Variants in SREBF1 observed in about 807,000 individuals in gnomAD.
The protein encoded by SREBF1 is sterol regulatory element binding transcription factor 1.
A neutral mutation model predicts 100.1 loss-of-function variants in SREBF1; 45 were observed. The observed-to-expected ratio is 0.45, with a 90% confidence interval of 0.35 to 0.58. The LOEUF (loss-of-function observed/expected upper bound fraction) is 0.58. Among genes scored for constraint, SREBF1 ranks in the 20% least tolerant of loss-of-function variants. The pLI is 0.00. For missense variants in SREBF1, 1,324 were observed against 1,539.4 expected (o/e 0.86, Z 2.34); for synonymous variants, 657 against 681.8 (o/e 0.96, Z 0.57).
intron 17 of SREBF1, 23 bp from the exon 18 acceptor site, chr17:17,813,502 C>A (rs748519015): frequency 1.3e-6 from 2 of 1,589,070 alleles, no homozygotes; most frequent in Admixed American, 1.7e-5. Flanking sequence ...AGAGTGGAGG[C>A]TCAGGGCTCT....
At chr17:17,825,345 G>A (rs1319597990) in intron 1 of SREBF1, among the ~76,000 whole-genome samples, 5 of 152,200 alleles carry the variant, frequency 3.3e-5, no homozygotes, top group African/African-American at 4.8e-5. Flanking sequence ...ATGGGAGAGG[G>A]CGGTTGCTCT....
chr17:17,817,603 G>A lies in SREBF1; in HGVS notation c.1404+93C>T. On this transcript the variant is annotated intron_variant, in intron 7 of 18. Coordinates refer to ENST00000261646, the MANE Select transcript of SREBF1 (RefSeq NM_004176.5). This position sits in a 1 kb window ranked among gnomAD's most constrained non-coding sequence, Gnocchi z 6.6. ...CTCAGTTATTCTGTCTATGAAATGG[G>A]AGGTAGGATCTGTTAGGGTCTTCCC... The A allele has an allele frequency of 6.4e-7, 1 of 1,560,820 alleles. No homozygotes were observed. The highest frequency in any genetic ancestry group is 2.3e-5 in the East Asian group (1 of 43,516).
Position 17,821,732 on chromosome 17 carries a change from G to T in SREBF1, c.92-1211C>A, listed in dbSNP as rs2034118446. Among the ~76,000 whole-genome samples the T allele has an allele frequency of 1.3e-5, 2 of 152,158 alleles. 1 individual carries two copies. Among genetic ancestry groups the T allele is most frequent in the South Asian group, 4.1e-4 (2 of 4,828 alleles). Reference sequence around the variant, plus strand: ...GGCCCACTCTTCCTAGGGCAGCGCAGGATCCCCAAAGAGAATGGCAGACAG... The same window carrying T: ...GGCCCACTCTTCCTAGGGCAGCGCATGATCCCCAAAGAGAATGGCAGACAG... On this transcript the variant is annotated intron_variant, in intron 1 of 18. Transcript: ENST00000261646.
chr17:17,835,948 GA>G (rs2035195810), intron 1 of SREBF1, among the ~76,000 whole-genome samples: 1 of 152,224 alleles, frequency 6.6e-6, no homozygotes, highest in Admixed American at 6.5e-5. Context: ...CCGTGGCCTG[GA>G]AAACATCTTT....
At chr17:17,829,388 A>G (rs1054184414) in intron 1 of SREBF1, among the ~76,000 whole-genome samples, 6 of 151,638 alleles carry the variant, frequency 4.0e-5, no homozygotes, top group African/African-American at 1.5e-4. Flanking sequence ...TCTGGAAAAG[A>G]TAAAGCCCTT....
Position 17,817,401 on chromosome 17 carries a change from G to A in SREBF1, c.1461C>T (p.Arg487=). 1 of 1,602,944 alleles carries A rather than the reference G, an allele frequency of 6.2e-7. No individual in the cohort carries two copies. The highest frequency in any genetic ancestry group is 8.5e-7 in the Non-Finnish European group (1 of 1,175,086). ...GGAAGACGAGCGTGCACAGGGCCAG[G>A]CGGGAGCGGTCCAGCATGCCCCGGC... is the stretch of plus-strand genomic sequence containing the variant. The part of the protein sequence containing the change: ...LHSRGMLDRS[R]LALCTLVFLC... Residue 487 remains arginine, a synonymous_variant, in exon 8 of 19, where the codon CGC becomes CGT. Coordinates refer to ENST00000261646, the MANE Select transcript of SREBF1 (RefSeq NM_004176.5). The surrounding 1 kb of genome is among the most constrained non-coding windows in gnomAD (Gnocchi z 6.6).
chr17:17,813,922 G>A, intron 16 of SREBF1, 153 bp from the exon 17 acceptor site: 1 of 848,504 alleles, frequency 1.2e-6, no homozygotes, highest in South Asian at 1.7e-5. Flanking sequence ...TGCACCGCGG[G>A]GCCGCCCGCC....
Position 17,819,459 on chromosome 17 carries a change from G to A in SREBF1, c.712-5C>T, listed in dbSNP as rs768638210. On this transcript the variant is annotated splice_polypyrimidine_tract_variant and splice_region_variant and intron_variant, in intron 3 of 18. Coordinates refer to ENST00000261646, the MANE Select transcript of SREBF1 (RefSeq NM_004176.5). The stretch of plus-strand genomic sequence containing the variant: ...GAAGTGGGGCTGCAGCAGGACCTGA[G>A]GGTGGGAGAGGCTTGGCTGTAAGCT... 6.2e-7 allele frequency: 1 copy of A among 1,613,726 alleles called. No homozygotes were observed.
rs188520844 is a variant in SREBF1 at position 17,817,629 on chromosome 17, G to C, written c.1404+67C>G. On this transcript the variant is annotated intron_variant, in intron 7 of 18. Coordinates refer to ENST00000261646, the MANE Select transcript of SREBF1 (RefSeq NM_004176.5). The surrounding 1 kb of genome is among the most constrained non-coding windows in gnomAD (Gnocchi z 6.6). The stretch of plus-strand genomic sequence containing the variant: ...AGGTAGGATCTGTTAGGGTCTTCCC[G>C]GCCCTGTCATGAGGCTCAGAGGATA... 21 of 1,597,224 alleles carry C rather than the reference G, an allele frequency of 1.3e-5. No individual in the cohort carries two copies. Among genetic ancestry groups the C allele is most frequent in the African/African-American group, 4.0e-5 (3 of 74,556 alleles).
At chr17:17,834,842 G>A (rs1385714397) in intron 1 of SREBF1, among the ~76,000 whole-genome samples, 5 of 152,070 alleles carry the variant, frequency 3.3e-5, no homozygotes, top group South Asian at 2.1e-4. Flanking sequence ...GTGAAACCCC[G>A]TCTCTACTAA....
In SREBF1 at chr17:17,812,128, A is replaced by AAAT. The variant is rs1301171774; in HGVS notation, c.*491_*493dup. 3.1e-4 allele frequency: 131 copies of AAAT among 424,196 alleles called. 1 individual carries two copies. The highest frequency in any genetic ancestry group is 2.2e-3 in the South Asian group (126 of 58,166). The allele number at this position is 424,196 out of a possible 1,614,324, so 26.3% of individuals were successfully genotyped here. ...CTGTACAAAACTTCTCAATCTATGAAAATAAAGTTTGCAAAAGGCAAAGTA... is the reference window on the plus strand; with the variant it reads ...CTGTACAAAACTTCTCAATCTATGAAAATAATAAAGTTTGCAAAAGGCAAAGTA... On this transcript the variant is annotated 3_prime_UTR_variant, in exon 19 of 19. Coordinates refer to ENST00000261646, the MANE Select transcript of SREBF1 (RefSeq NM_004176.5).
intron 1 of SREBF1, 127 bp from the exon 2 acceptor site, chr17:17,820,648 GC>G: frequency 9.1e-7 from 1 of 1,101,310 alleles, no homozygotes; most frequent in Non-Finnish European, 1.3e-6. Flanking sequence ...TGTGGGCAAT[GC>G]CACCAGGACA....
At chr17:17,815,044 A>T in intron 13 of SREBF1, 100 bp from the exon 14 acceptor site, 1 of 1,287,546 alleles carries the variant, frequency 7.8e-7, no homozygotes, top group South Asian at 1.3e-5. Flanking sequence ...CTGGCTCTGC[A>T]AAGTGCCACT....
At position 17,812,697 on chromosome 17, in the gene SREBF1, G is replaced by A. The variant is rs1427467272; in HGVS notation, c.3369C>T (p.Gly1123=). Residue 1123 remains glycine, a synonymous_variant, in exon 19 of 19, where the codon GGC becomes GGT. Coordinates refer to ENST00000261646, the MANE Select transcript of SREBF1 (RefSeq NM_004176.5). ...GACAGTCGTGCAGCAGCCGGCGATC[G>A]CCAAGCTTCTCGAGTGTGCGCGCCG... ...AEAARTLEKL[G]DRRLLHDCQQ... 37 of 1,604,328 alleles carry A rather than the reference G, an allele frequency of 2.3e-5. No homozygotes were observed. Among genetic ancestry groups the A allele is most frequent in the Non-Finnish European group, 3.1e-5 (37 of 1,175,848 alleles).
chr17:17,823,672 C>A, intron 1 of SREBF1: 4 of 1,242,138 alleles, frequency 3.2e-6, no homozygotes, highest in South Asian at 2.8e-5. Context: ...CGCCCCGCCC[C>A]GCCCCCAGCC....
At chr17:17,814,448 G>A in intron 15 of SREBF1, 38 bp from the exon 16 acceptor site, 4 of 1,548,380 alleles carry the variant, frequency 2.6e-6, no homozygotes, top group Non-Finnish European at 3.5e-6. Flanking sequence ...AGTCAGACCA[G>A]TCCACAAGCC....
At position 17,814,913 on chromosome 17, in the gene SREBF1, G is replaced by T; in HGVS notation, c.2524C>A (p.Leu842Met). The change falls in exon 14 of 19, where the codon CTG (leucine) becomes ATG (methionine). Residue 842 changes from leucine to methionine, a missense_variant. By Grantham distance (15) the Leu-to-Met change is conservative (BLOSUM62 2). Transcript: ENST00000261646. ...EFSDALGYLQ[L>M]LNSCSDAAGA... ...GCAGCATCAGAACAGCTGTTCAGCA[G>T]CTGCAGGTACCCGAGGGCATCCGAG... 6.3e-7 allele frequency: 1 copy of T among 1,577,050 alleles called. No homozygotes were observed. The highest frequency in any genetic ancestry group is 1.2e-5 in the South Asian group (1 of 86,664).
At chr17:17,829,205 A>AAAAT (rs1210718799) in intron 1 of SREBF1, among the ~76,000 whole-genome samples, 73 of 65,846 alleles carry the variant, frequency 1.1e-3, no homozygotes, top group African/African-American at 6.3e-3. Flanking sequence ...AAAAAAAAAA[A>AAAAT]ATATATATAT....
chr17:17,816,830 G>A (rs936759921), intron 9 of SREBF1, 112 bp from the exon 10 acceptor site: 59 of 1,583,782 alleles, frequency 3.7e-5, no homozygotes, highest in African/African-American at 9.4e-5. Context: ...CTGCGGATGC[G>A]TGGCTAGGCA....
Sources: gnomAD v4.1 joint callset for allele counts (sites outside exome capture counted in the v4.1 genomes callset) on GRCh38, gnomAD v4.1.1 for gene constraint, Gnocchi (gnomAD v3.1) non-coding constraint, MANE v1.5 for transcripts, NCBI Gene and HGNC (gene_info 2026-07-23, HGNC 2026-07-21) for gene names.